TASP1: variants seen among roughly 807,000 people sequenced by gnomAD.
TASP1 encodes threonine aspartase 1.
Under a neutral mutation model 56.6 loss-of-function variants are expected in TASP1, and 16 were observed. The ratio of observed to expected loss-of-function variants is 0.28; its 90% CI spans 0.19 to 0.43. The LOEUF is 0.43. Ranked by LOEUF, TASP1 falls within the 20% of genes least tolerant of loss-of-function variation. TASP1 has a pLI of 1.00. For missense variants in TASP1, 393 were observed against 511.6 expected (o/e 0.77, Z 2.24); for synonymous variants, 179 against 184.2 (o/e 0.97, Z 0.23).
chr20:13,332,307 G>C, the TASP1 span, among the ~76,000 whole-genome samples: 46 of 151,980 alleles, frequency 3.0e-4, no homozygotes, highest in East Asian at 2.5e-3. Flanking sequence ...GCCATGAAAG[G>C]TACTGAAATA....
the TASP1 span, among the ~76,000 whole-genome samples, chr20:13,199,214 CT>C: frequency 7.9e-5 from 12 of 151,672 alleles, no homozygotes; most frequent in African/African-American, 2.9e-4. Flanking sequence ...TCTTGTTTTC[CT>C]TTTTTTTGTT....
At chr20:13,215,452 C>T in the TASP1 span, among the ~76,000 whole-genome samples, 2 of 152,146 alleles carry the variant, frequency 1.3e-5, no homozygotes, top group Admixed American at 6.6e-5. Context: ...AACAACAAAG[C>T]AAATGCAATA....
chr20:13,178,539 A>G, the TASP1 span, among the ~76,000 whole-genome samples: 1 of 152,174 alleles, frequency 6.6e-6, no homozygotes, highest in Non-Finnish European at 1.5e-5. Flanking sequence ...AATGTGGTAT[A>G]TATACACAAT....
At chr20:13,309,272 A>G in the TASP1 span, among the ~76,000 whole-genome samples, 1 of 152,070 alleles carries the variant, frequency 6.6e-6, no homozygotes, top group East Asian at 1.9e-4. Flanking sequence ...TTTAGAGGTA[A>G]CATTTTATTT....
At chr20:13,439,368 A>T (rs1267971295) in intron 11 of TASP1, among the ~76,000 whole-genome samples, 1 of 152,212 alleles carries the variant, frequency 6.6e-6, no homozygotes, top group African/African-American at 2.4e-5. Context: ...GACATGGATA[A>T]AGCTGGAAAC....
chr20:13,519,204 G>T (rs1288998023), intron 10 of TASP1, among the ~76,000 whole-genome samples: 1 of 152,058 alleles, frequency 6.6e-6, no homozygotes, highest in Non-Finnish European at 1.5e-5. Context: ...AGGCACAAGG[G>T]TTGAAAAACT....
intron 10 of TASP1, among the ~76,000 whole-genome samples, chr20:13,509,124 AGT>A (rs71334125): frequency 0.26 from 37,403 of 142,596 alleles, 5,013 homozygotes; most frequent in African/African-American, 0.37. Flanking sequence ...GAATGAAGAA[AGT>A]GTGTGTGTGT....
At chr20:13,614,318 C>A in intron 4 of TASP1, among the ~76,000 whole-genome samples, 1 of 151,424 alleles carries the variant, frequency 6.6e-6, no homozygotes. Context: ...CAAAAGACAA[C>A]ATACTTCATT....
At chr20:13,534,732 G>C (rs192274123) in intron 8 of TASP1, among the ~76,000 whole-genome samples, 169 of 152,176 alleles carry the variant, frequency 1.1e-3, no homozygotes, top group Non-Finnish European at 1.7e-3. Context: ...CAATTGTATG[G>C]CAGAAAAGTG....
intron 4 of TASP1, among the ~76,000 whole-genome samples, chr20:13,598,393 T>G (rs1346933892): frequency 1.3e-5 from 2 of 152,166 alleles, no homozygotes. Flanking sequence ...TCTACAACCA[T>G]CTGATCTTTG....
At chr20:13,307,131 C>T in the TASP1 span, among the ~76,000 whole-genome samples, 1 of 152,182 alleles carries the variant, frequency 6.6e-6, no homozygotes, top group African/African-American at 2.4e-5. Flanking sequence ...TAACATCAAA[C>T]TCACTTTCTG....
At chr20:13,475,503 A>T (rs2044693057) in intron 11 of TASP1, among the ~76,000 whole-genome samples, 1 of 152,212 alleles carries the variant, frequency 6.6e-6, no homozygotes, top group Admixed American at 6.5e-5. Flanking sequence ...TGAAAATTGA[A>T]ATGAATGAAT....
the TASP1 span, among the ~76,000 whole-genome samples, chr20:13,210,815 T>A: frequency 2.0e-5 from 3 of 152,158 alleles, no homozygotes; most frequent in Non-Finnish European, 4.4e-5. Context: ...AATCTTCTAT[T>A]CATCAGTAAA....
intron 10 of TASP1, among the ~76,000 whole-genome samples, chr20:13,497,699 G>A (rs1601005526): frequency 6.6e-6 from 1 of 152,076 alleles, no homozygotes; most frequent in African/African-American, 2.4e-5. Flanking sequence ...GCAAAAAGAA[G>A]AAAGCTGGAG....
At chr20:13,344,234 A>G in the TASP1 span, among the ~76,000 whole-genome samples, 1 of 152,102 alleles carries the variant, frequency 6.6e-6, no homozygotes, top group African/African-American at 2.4e-5. Context: ...TCTAGGGGAC[A>G]GTCTTAGGGA....
At chr20:13,624,371 T>G (rs1359614197) in intron 3 of TASP1, among the ~76,000 whole-genome samples, 2 of 152,098 alleles carry the variant, frequency 1.3e-5, no homozygotes, top group Non-Finnish European at 1.5e-5. Context: ...CTTCGAGAAC[T>G]TTTAGCTTTA....
At chr20:13,513,251 T>G (rs1271354339) in intron 10 of TASP1, among the ~76,000 whole-genome samples, 1 of 152,162 alleles carries the variant, frequency 6.6e-6, no homozygotes, top group African/African-American at 2.4e-5. Flanking sequence ...ATTGAGTACC[T>G]ACTATATCTT....
chr20:13,360,973 G>T, the TASP1 span, among the ~76,000 whole-genome samples: 17 of 152,274 alleles, frequency 1.1e-4, no homozygotes, highest in South Asian at 2.7e-3. Flanking sequence ...CACCAGCAAA[G>T]GCAGGTTATG....
chr20:13,447,487 G>A (rs1364582317), intron 11 of TASP1, among the ~76,000 whole-genome samples: 1 of 152,072 alleles, frequency 6.6e-6, no homozygotes, highest in Non-Finnish European at 1.5e-5. Context: ...TTAGCTAAGT[G>A]GCAAAGTTTT....
Sources: gnomAD v4.1 joint callset for allele counts (sites outside exome capture counted in the v4.1 genomes callset) on GRCh38, gnomAD v4.1.1 for gene constraint, MANE v1.5 for transcripts, NCBI Gene and HGNC (gene_info 2026-07-23, HGNC 2026-07-21) for gene names.